THADA: variants seen among roughly 807,000 people sequenced by gnomAD.
THADA encodes THADA armadillo repeat containing, also known as tRNA (32-2'-O)-methyltransferase regulator THADA.
A neutral mutation model predicts 219.8 loss-of-function variants in THADA; 213 were observed. The ratio of observed to expected loss-of-function variants is 0.97; its 90% CI spans 0.87 to 1.09. The LOEUF (loss-of-function observed/expected upper bound fraction) is 1.09. THADA is among the 50% of genes least tolerant of loss of function. THADA has a pLI of 0.00. For missense variants in THADA, 2,956 were observed against 2,311.3 expected (o/e 1.28, Z -5.72); for synonymous variants, 1,018 against 828.9 (o/e 1.23, Z -3.92).
chr2:43,492,817 C>A (rs1687805923), intron 25 of THADA, among the ~76,000 whole-genome samples: 1 of 152,316 alleles, frequency 6.6e-6, no homozygotes, highest in Middle Eastern at 3.4e-3. Context: ...TTTCTGGTGA[C>A]CCTCTTCCAA....
At chr2:43,407,799 A>T (rs1162935183) in intron 28 of THADA, among the ~76,000 whole-genome samples, 1 of 151,958 alleles carries the variant, frequency 6.6e-6, no homozygotes, top group Non-Finnish European at 1.5e-5. Context: ...AACCCTTTAA[A>T]ATAAAGTATA....
At chr2:43,498,366 C>T (rs970055241) in intron 25 of THADA, among the ~76,000 whole-genome samples, 23 of 152,076 alleles carry the variant, frequency 1.5e-4, no homozygotes, top group African/African-American at 4.8e-4. Context: ...CTTAAAAAAA[C>T]GGTTAAAGTG....
At chr2:43,402,091 G>GA (rs1281817051) in intron 28 of THADA, among the ~76,000 whole-genome samples, 4 of 152,164 alleles carry the variant, frequency 2.6e-5, no homozygotes, top group Non-Finnish European at 4.4e-5. Flanking sequence ...CAAAACCCTT[G>GA]TGGGGGGAGT....
At chr2:43,383,725 C>T (rs894565537) in intron 29 of THADA, among the ~76,000 whole-genome samples, 41 of 152,138 alleles carry the variant, frequency 2.7e-4, no homozygotes, top group African/African-American at 9.7e-4. Flanking sequence ...GGTCCAGAAC[C>T]ACACTTTGAG....
rs1697373284 is a variant in THADA at position 43,556,548 on chromosome 2, C to T, written c.2471G>A (p.Gly824Glu). 6.2e-7 allele frequency: 1 copy of T among 1,613,250 alleles called. No individual in the cohort carries two copies. The highest frequency in any genetic ancestry group is 8.5e-7 in the Non-Finnish European group (1 of 1,179,534). Residue 824 changes from glycine to glutamate, a missense_variant, in exon 17 of 38, where the codon GGG becomes GAG. Coordinates refer to ENST00000405975, the MANE Select transcript of THADA (RefSeq NM_022065.5). ...TGCCTGAAATAAGCCTTGCAGTTTC[C>T]CCGAATCCTAGAATAAAGCGCAGAC... ...SKTAVHFQDS[G>E]KLQGLFQAAL...
chr2:43,452,096 G>A (rs1415354714), intron 26 of THADA, among the ~76,000 whole-genome samples: 2 of 152,100 alleles, frequency 1.3e-5, no homozygotes, highest in African/African-American at 4.8e-5. Flanking sequence ...GACAGAGCGA[G>A]ACTCCATCTC....
At chr2:43,298,908 A>G (rs1328313712) in intron 31 of THADA, among the ~76,000 whole-genome samples, 1 of 152,190 alleles carries the variant, frequency 6.6e-6, no homozygotes, top group East Asian at 1.9e-4. Context: ...GTATTTCCTA[A>G]GCATATACAG....
chr2:43,505,953 T>A (rs2105087135), intron 23 of THADA, among the ~76,000 whole-genome samples: 1 of 152,206 alleles, frequency 6.6e-6, no homozygotes, highest in East Asian at 1.9e-4. Context: ...TGAAATCATG[T>A]CATCTCTAAG....
intron 8 of THADA, 57 bp from the exon 9 acceptor site, chr2:43,578,664 G>A (rs1700107139): frequency 2.3e-6 from 3 of 1,314,192 alleles, no homozygotes; most frequent in African/African-American, 1.5e-5. Flanking sequence ...CTGGTAGAGT[G>A]GAAAGAGCAG....
intron 8 of THADA, among the ~76,000 whole-genome samples, chr2:43,580,024 CTTTTTTTT>C (rs34171011): frequency 1.6e-5 from 2 of 122,834 alleles, no homozygotes; most frequent in Non-Finnish European, 3.3e-5. Flanking sequence ...AAAGCTACTT[CTTTTTTTT>C]TTTTTTTTTT....
intron 26 of THADA, among the ~76,000 whole-genome samples, chr2:43,481,322 A>G (rs1349313079): frequency 6.6e-6 from 1 of 152,256 alleles, no homozygotes; most frequent in African/African-American, 2.4e-5. Context: ...GGATCATCCC[A>G]TGATTTTAGA....
At chr2:43,410,811 T>C (rs1006607954) in intron 28 of THADA, among the ~76,000 whole-genome samples, 8 of 152,210 alleles carry the variant, frequency 5.3e-5, no homozygotes, top group African/African-American at 1.7e-4. Context: ...TTTATGGGTA[T>C]ATAAAAATAT....
intron 35 of THADA, among the ~76,000 whole-genome samples, chr2:43,284,414 C>T (rs55915632): frequency 0.18 from 28,068 of 152,104 alleles, 3,285 homozygotes; most frequent in African/African-American, 0.33. Context: ...AGGTACAGCT[C>T]GGGCCATTGC....
At chr2:43,285,509 C>T (rs1272702327) in intron 35 of THADA, among the ~76,000 whole-genome samples, 1 of 151,952 alleles carries the variant, frequency 6.6e-6, no homozygotes, top group Non-Finnish European at 1.5e-5. Flanking sequence ...CCTGTTAAGA[C>T]TATGGAACTG....
intron 36 of THADA, among the ~76,000 whole-genome samples, chr2:43,253,126 G>T (rs1306470059): frequency 1.3e-5 from 2 of 152,198 alleles, no homozygotes; most frequent in Non-Finnish European, 2.9e-5. Flanking sequence ...CTTGAAGACA[G>T]ATCAGGGTCT....
At chr2:43,481,295 T>C (rs1356558871) in intron 26 of THADA, among the ~76,000 whole-genome samples, 1 of 152,200 alleles carries the variant, frequency 6.6e-6, no homozygotes, top group Non-Finnish European at 1.5e-5. Context: ...ACATAGTCAC[T>C]AGAAACAATT....
chr2:43,547,463 T>C (rs1483558517), intron 20 of THADA, among the ~76,000 whole-genome samples: 1 of 152,240 alleles, frequency 6.6e-6, no homozygotes, highest in African/African-American at 2.4e-5. Context: ...TGCAGTGTTT[T>C]CCAACTTGGT....
chr2:43,438,915 G>A (rs1680495538), intron 26 of THADA, among the ~76,000 whole-genome samples: 2 of 152,052 alleles, frequency 1.3e-5, no homozygotes, highest in Non-Finnish European at 2.9e-5. Flanking sequence ...AAATGAATGT[G>A]GTCTCTCTCT....
chr2:43,500,445 A>C (rs1688811026), intron 24 of THADA, among the ~76,000 whole-genome samples: 1 of 152,264 alleles, frequency 6.6e-6, no homozygotes, highest in South Asian at 2.1e-4. Context: ...CAGGACAGGC[A>C]CAGCACAAAA....
Sources: allele counts gnomAD v4.1 joint callset (sites outside exome capture counted in the v4.1 genomes callset), GRCh38; gene constraint gnomAD v4.1.1; transcripts MANE v1.5; gene names NCBI Gene and HGNC (gene_info 2026-07-23, HGNC 2026-07-21).